Variants in GRIK4 observed in about 807,000 individuals in gnomAD.
GRIK4 encodes glutamate ionotropic receptor kainate type subunit 4.
Under a neutral mutation model 104.9 loss-of-function variants are expected in GRIK4, and 40 were observed. The observed-to-expected ratio is 0.38, with a 90% CI of 0.30 to 0.50. The LOEUF is 0.50. Among genes scored for constraint, GRIK4 ranks in the 20% least tolerant of loss-of-function variants. The probability of loss-of-function intolerance (pLI) is 0.93; values close to 1 mark genes in which losing one functional copy is unlikely to be tolerated. For missense variants in GRIK4, 1,047 were observed against 1,308.1 expected (o/e 0.80, Z 3.08); for synonymous variants, 485 against 524.9 (o/e 0.92, Z 1.04).
At chr11:120,610,496 C>T (rs1275786057) in intron 1 of GRIK4, among the ~76,000 whole-genome samples, 2 of 152,112 alleles carry the variant, frequency 1.3e-5, no homozygotes, top group Non-Finnish European at 2.9e-5. Flanking sequence ...TGTCTGGCTT[C>T]GTGGTTTCTG....
intron 1 of GRIK4, among the ~76,000 whole-genome samples, chr11:120,514,179 G>T (rs1015776556): frequency 1.3e-5 from 2 of 152,158 alleles, no homozygotes; most frequent in Admixed American, 6.5e-5. Flanking sequence ...GCTGGCGAGG[G>T]TGGGCAGCGC....
intron 3 of GRIK4, among the ~76,000 whole-genome samples, chr11:120,712,040 A>C (rs930950469): frequency 6.6e-6 from 1 of 152,270 alleles, no homozygotes; most frequent in African/African-American, 2.4e-5. Flanking sequence ...TAATACACAA[A>C]GCACACAAGG....
chr11:120,610,107 G>A (rs1351304863), intron 1 of GRIK4, among the ~76,000 whole-genome samples: 2 of 152,074 alleles, frequency 1.3e-5, no homozygotes, highest in Non-Finnish European at 2.9e-5. Flanking sequence ...GTTTCGCTTT[G>A]TTTTTATGGC....
At chr11:120,691,752 G>A (rs1950367788) in intron 3 of GRIK4, among the ~76,000 whole-genome samples, 1 of 152,136 alleles carries the variant, frequency 6.6e-6, no homozygotes, top group South Asian at 2.1e-4. Flanking sequence ...TGTTCCAAAT[G>A]CCTCTCCCTT....
chr11:120,947,512 C>G (rs1943891395), intron 14 of GRIK4, among the ~76,000 whole-genome samples: 1 of 151,938 alleles, frequency 6.6e-6, no homozygotes, highest in Non-Finnish European at 1.5e-5. Context: ...TTCAGAAAGA[C>G]TGTCTAGGAA....
intron 1 of GRIK4, among the ~76,000 whole-genome samples, chr11:120,548,455 G>T (rs1948108133): frequency 6.6e-6 from 1 of 152,018 alleles, no homozygotes; most frequent in African/African-American, 2.4e-5. Flanking sequence ...CAAGGGGTGT[G>T]GTCAGAGAAG....
At chr11:120,660,506 A>G (rs1475004818) in intron 3 of GRIK4, 106 bp downstream of exon 3, 2 of 807,950 alleles carry the variant, frequency 2.5e-6, no homozygotes, top group African/African-American at 1.7e-5. Flanking sequence ...CAGCCCGTGC[A>G]CTGTGCCCTC....
At chr11:120,958,384 C>T (rs889480271) in intron 16 of GRIK4, among the ~76,000 whole-genome samples, 13 of 152,228 alleles carry the variant, frequency 8.5e-5, no homozygotes, top group Admixed American at 3.9e-4. Context: ...GAATGCAAGC[C>T]GCCGTGACAG....
intron 8 of GRIK4, among the ~76,000 whole-genome samples, chr11:120,852,555 A>G (rs1374129836): frequency 1.3e-5 from 2 of 152,216 alleles, no homozygotes; most frequent in Non-Finnish European, 2.9e-5. Flanking sequence ...ATGAATAGGA[A>G]ACATGCAGGG....
chr11:120,538,470 A>G (rs1011273343), intron 1 of GRIK4, among the ~76,000 whole-genome samples: 13 of 152,218 alleles, frequency 8.5e-5, no homozygotes, highest in African/African-American at 3.1e-4. Context: ...CAAATCCTTG[A>G]GACTTAACAT....
chr11:120,685,971 A>G lies in GRIK4; in HGVS notation c.82+25571A>G, dbSNP rs566750441. Among the ~76,000 whole-genome samples the G allele has an allele frequency of 2.6e-5, 4 of 152,246 alleles. No homozygotes were observed. In the East Asian group the frequency reaches 7.7e-4, roughly 29 times the overall value. On this transcript the variant is annotated intron_variant, in intron 3 of 20. Transcript: ENST00000527524. Reference sequence around the variant, plus strand: ...CAACTCCAGCTGTGCGCAGAGTTCAACATGTGTTGATCTACTTAGGCTGTA... The same window carrying G: ...CAACTCCAGCTGTGCGCAGAGTTCAGCATGTGTTGATCTACTTAGGCTGTA...
chr11:120,628,593 A>G (rs561872169), intron 1 of GRIK4, among the ~76,000 whole-genome samples: 1 of 152,188 alleles, frequency 6.6e-6, no homozygotes. Context: ...GTTGATGGTC[A>G]TGATGACACA....
intron 3 of GRIK4, among the ~76,000 whole-genome samples, chr11:120,678,933 T>A (rs10892606): frequency 6.6e-6 from 1 of 151,030 alleles, no homozygotes; most frequent in African/African-American, 2.4e-5. Flanking sequence ...ACGCCTGGCC[T>A]GGTTTTTTTT....
At chr11:120,838,151 G>A (rs1953623561) in intron 8 of GRIK4, among the ~76,000 whole-genome samples, 1 of 152,186 alleles carries the variant, frequency 6.6e-6, no homozygotes, top group Non-Finnish European at 1.5e-5. Context: ...TAAGAATGAT[G>A]GTGATGATAT....
intron 3 of GRIK4, among the ~76,000 whole-genome samples, chr11:120,777,809 CATCTGTA>C (rs1256404353): frequency 1.3e-5 from 2 of 152,040 alleles, no homozygotes; most frequent in African/African-American, 4.8e-5. Flanking sequence ...TGATGGCACG[CATCTGTA>C]ATCCCAGCTA....
In GRIK4 at chr11:120,903,451, C is replaced by T. The variant is rs1942793967; in HGVS notation, c.1273-1839C>T. Among the ~76,000 whole-genome samples, 1 of 152,144 alleles carries T rather than the reference C, an allele frequency of 6.6e-6. No homozygotes were observed. Among genetic ancestry groups the T allele is most frequent in the Non-Finnish European group, 1.5e-5 (1 of 68,010 alleles). ...AGGCTCAGGCCTCAACCTCACCCCG[C>T]CCCACCCTGCCTCCACCCTGCACTT... On this transcript the variant is annotated intron_variant, in intron 12 of 20. Coordinates refer to ENST00000527524, the MANE Select transcript of GRIK4 (RefSeq NM_014619.5). The surrounding 1 kb of genome is among the most constrained non-coding windows in gnomAD (Gnocchi z 4.4).
chr11:120,686,534 A>G (rs117165235), intron 3 of GRIK4, among the ~76,000 whole-genome samples: 2 of 152,186 alleles, frequency 1.3e-5, no homozygotes, highest in East Asian at 3.9e-4. Context: ...TGTGTACCAT[A>G]CCAGGGAAGC....
intron 6 of GRIK4, among the ~76,000 whole-genome samples, chr11:120,830,188 A>G (rs10892627): frequency 0.19 from 25,320 of 134,268 alleles, 2,306 homozygotes; most frequent in African/African-American, 0.28. Context: ...TCCTATGAAG[A>G]AAAAAAAAAA....
At chr11:120,599,540 A>G (rs907429850) in intron 1 of GRIK4, among the ~76,000 whole-genome samples, 7 of 152,226 alleles carry the variant, frequency 4.6e-5, no homozygotes, top group African/African-American at 1.7e-4. Context: ...CAGAAGAATG[A>G]GTCAGTGATG....
Sources: allele counts gnomAD v4.1 joint callset (sites outside exome capture counted in the v4.1 genomes callset), GRCh38; gene constraint gnomAD v4.1.1; non-coding constraint Gnocchi (gnomAD v3.1); transcripts MANE v1.5; gene names NCBI Gene and HGNC (gene_info 2026-07-23, HGNC 2026-07-21).